Variants in CORIN observed in about 807,000 individuals in gnomAD.
The protein encoded by CORIN is corin, serine peptidase.
A neutral mutation model predicts 125.3 loss-of-function variants in CORIN; 117 were observed. The observed-to-expected ratio is 0.93, with a 90% CI of 0.80 to 1.09. The LOEUF (loss-of-function observed/expected upper bound fraction) is 1.09. Among genes scored for constraint, CORIN ranks in the 50% least tolerant of loss-of-function variants. The pLI, the probability that CORIN is intolerant of heterozygous loss-of-function variation, is 0.00. For missense variants in CORIN, 1,253 were observed against 1,306.7 expected (o/e 0.96, Z 0.63); for synonymous variants, 450 against 466.4 (o/e 0.96, Z 0.45).
At chr4:47,704,268 A>T (rs1053936291) in intron 5 of CORIN, among the ~76,000 whole-genome samples, 1 of 152,246 alleles carries the variant, frequency 6.6e-6, no homozygotes, top group Non-Finnish European at 1.5e-5. Flanking sequence ...GCACAATTTA[A>T]TTAACTCGCA....
intron 5 of CORIN, among the ~76,000 whole-genome samples, chr4:47,697,932 A>T (rs1279762955): frequency 6.6e-6 from 1 of 152,012 alleles, no homozygotes; most frequent in African/African-American, 2.4e-5. Flanking sequence ...AACTGGAGAT[A>T]TAACACACGC....
rs764807663 is a variant in CORIN at position 47,623,559 on chromosome 4, G to A, written c.2540+12C>T. The A allele has an allele frequency of 4.3e-6, 7 of 1,610,898 alleles. No individual in the cohort carries two copies. The highest frequency in any genetic ancestry group is 4.2e-6 in the Non-Finnish European group (5 of 1,178,070). ...AATCCAGGCAAAGGAAAAAAGGAAA[G>A]GTGCAGCTTACCCCTCGAAGCAGTG... On this transcript the variant is annotated intron_variant, in intron 19 of 21. Coordinates refer to ENST00000273857, the MANE Select transcript of CORIN (RefSeq NM_006587.4).
chr4:47,699,749 G>A (rs188714044), intron 5 of CORIN, among the ~76,000 whole-genome samples: 33 of 152,258 alleles, frequency 2.2e-4, no homozygotes, highest in African/African-American at 7.2e-4. Context: ...TACTGATGCA[G>A]GAATAAAAAT....
intron 16 of CORIN, among the ~76,000 whole-genome samples, chr4:47,639,228 A>G (rs183419498): frequency 1.4e-4 from 21 of 152,368 alleles, no homozygotes; most frequent in Non-Finnish European, 2.5e-4. Context: ...CAACAAATTT[A>G]TACTATCAAG....
intron 4 of CORIN, among the ~76,000 whole-genome samples, chr4:47,762,756 AT>A (rs1275826435): frequency 6.6e-6 from 1 of 152,134 alleles, no homozygotes; most frequent in Non-Finnish European, 1.5e-5. Context: ...CTGGTTGTGG[AT>A]GAGTTCATTT....
At chr4:47,619,864 G>A (rs1041059732) in intron 19 of CORIN, among the ~76,000 whole-genome samples, 3 of 152,124 alleles carry the variant, frequency 2.0e-5, no homozygotes, top group Non-Finnish European at 1.5e-5. Context: ...TTATTACCAT[G>A]GAGTTACAAA....
At chr4:47,804,667 C>T (rs535602315) in intron 2 of CORIN, among the ~76,000 whole-genome samples, 1 of 131,626 alleles carries the variant, frequency 7.6e-6, no homozygotes, top group South Asian at 2.5e-4. Flanking sequence ...AACAATTGAA[C>T]TCATGGAGAC....
intron 1 of CORIN, among the ~76,000 whole-genome samples, chr4:47,811,221 C>T (rs1732048569): frequency 6.6e-6 from 1 of 152,098 alleles, no homozygotes; most frequent in Non-Finnish European, 1.5e-5. Context: ...TGAGAAAAAA[C>T]AACGTGAAAA....
At chr4:47,670,008 A>G (rs1243865999) in intron 10 of CORIN, among the ~76,000 whole-genome samples, 1 of 152,050 alleles carries the variant, frequency 6.6e-6, no homozygotes, top group African/African-American at 2.4e-5. Flanking sequence ...TTTCTTTATA[A>G]TTTAACTATA....
intron 10 of CORIN, among the ~76,000 whole-genome samples, chr4:47,669,164 C>T (rs989150434): frequency 2.0e-5 from 3 of 152,106 alleles, no homozygotes; most frequent in Admixed American, 2.0e-4. Flanking sequence ...GAAAAAAATC[C>T]TGATGGAATC....
chr4:47,786,995 A>G, intron 2 of CORIN, 70 bp from the exon 3 acceptor site: 1 of 1,089,072 alleles, frequency 9.2e-7, no homozygotes, highest in Non-Finnish European at 1.3e-6. Context: ...ATTTTAAAAA[A>G]CATTAAGAAA....
chr4:47,696,699 T>G (rs1577837447), intron 5 of CORIN, among the ~76,000 whole-genome samples: 1 of 152,194 alleles, frequency 6.6e-6, no homozygotes, highest in African/African-American at 2.4e-5. Flanking sequence ...ACATGGATCT[T>G]GAAGAGTACA....
At chr4:47,632,755 A>ATAGG (rs1553905946) in intron 16 of CORIN, among the ~76,000 whole-genome samples, 12 of 119,860 alleles carry the variant, frequency 1.0e-4, no homozygotes, top group African/African-American at 3.9e-4. Flanking sequence ...AGATAGATAG[A>ATAGG]TAGATAGATA....
chr4:47,686,442 T>C (rs1725520712), intron 6 of CORIN, among the ~76,000 whole-genome samples: 1 of 152,132 alleles, frequency 6.6e-6, no homozygotes, highest in Non-Finnish European at 1.5e-5. Flanking sequence ...GCGATCACCT[T>C]GACAACGGTA....
At chr4:47,791,949 C>T (rs2109927502) in intron 2 of CORIN, among the ~76,000 whole-genome samples, 1 of 152,192 alleles carries the variant, frequency 6.6e-6, no homozygotes, top group East Asian at 1.9e-4. Flanking sequence ...TTAATATAAA[C>T]TATGGTACAA....
chr4:47,802,229 G>A (rs1332066241), intron 2 of CORIN, among the ~76,000 whole-genome samples: 1 of 152,096 alleles, frequency 6.6e-6, no homozygotes, highest in Non-Finnish European at 1.5e-5. Context: ...TAAAAGCAGG[G>A]GAAAAAAGTA....
At chr4:47,717,369 C>G (rs953381575) in intron 5 of CORIN, among the ~76,000 whole-genome samples, 2 of 152,160 alleles carry the variant, frequency 1.3e-5, no homozygotes, top group Non-Finnish European at 2.9e-5. Flanking sequence ...CTCCCGGGAT[C>G]TCAGCTTCAA....
chr4:47,596,706 G>A (rs1469660363), intron 21 of CORIN, among the ~76,000 whole-genome samples: 1 of 152,140 alleles, frequency 6.6e-6, no homozygotes, highest in Non-Finnish European at 1.5e-5. Flanking sequence ...GAGTAAATAC[G>A]TGAATTCATT....
intron 1 of CORIN, among the ~76,000 whole-genome samples, chr4:47,818,705 T>G (rs2109971539): frequency 6.6e-6 from 1 of 152,044 alleles, no homozygotes; most frequent in South Asian, 2.1e-4. Context: ...AAAACTCGTC[T>G]CTAACAAAAA....
Sources: gnomAD v4.1 joint callset for allele counts (sites outside exome capture counted in the v4.1 genomes callset) on GRCh38, gnomAD v4.1.1 for gene constraint, MANE v1.5 for transcripts, NCBI Gene and HGNC (gene_info 2026-07-23, HGNC 2026-07-21) for gene names.